The following DNAH11 variants were observed in gnomAD, a reference collection of about 807,000 sequenced individuals.
DNAH11 encodes the protein dynein axonemal heavy chain 11.
Under a neutral mutation model 526.0 loss-of-function variants are expected in DNAH11, and 442 were observed. The observed-to-expected ratio is 0.84, with a 90% CI of 0.78 to 0.91. DNAH11 has a LOEUF of 0.91. Ranked by LOEUF, DNAH11 falls within the 40% of genes least tolerant of loss-of-function variation. DNAH11 has a pLI of 0.00. For synonymous variants in DNAH11, 2,461 were observed against 1,935.9 expected (o/e 1.27, Z -7.12); for missense variants, 6,989 against 5,448.7 (o/e 1.28, Z -8.90).
intron 25 of DNAH11, among the ~76,000 whole-genome samples, chr7:21,631,710 C>G (rs547357068): frequency 6.6e-6 from 1 of 152,190 alleles, no homozygotes; most frequent in Non-Finnish European, 1.5e-5. Context: ...TGGGCAGCTC[C>G]GCCTCTGTGG....
Position 21,735,752 on chromosome 7 carries a change from T to C in DNAH11, c.7553T>C (p.Val2518Ala), listed in dbSNP as rs141807661. 145 of 1,613,938 alleles carry C rather than the reference T, an allele frequency of 9.0e-5. No homozygotes were observed. In the African/African-American group the frequency reaches 1.7e-3, roughly 19 times the overall value. The change falls in exon 46 of 82, where the codon GTC becomes GCC. Residue 2518 changes from valine (V) to alanine (A), a missense_variant. Val to Ala is a moderately conservative substitution (Grantham distance 64, BLOSUM62 0). Coordinates refer to ENST00000409508, the MANE Select transcript of DNAH11 (RefSeq NM_001277115.2). ...LVGNAGVGKT[V>A]FVGDTLASLS... ...GGAAATGCAGGAGTGGGAAAAACAG[T>C]CTTTGTAGGTGACACATTGGCAAGT... is the stretch of plus-strand genomic sequence containing the variant.
chr7:21,564,543 A>T (rs1398965989), intron 6 of DNAH11, 146 bp downstream of exon 6: 1 of 601,012 alleles, frequency 1.7e-6, no homozygotes, highest in Non-Finnish European at 2.8e-6. Context: ...AACAAAGGCC[A>T]GGTAACCTTT....
chr7:21,837,699 C>G (rs945312384), intron 65 of DNAH11, among the ~76,000 whole-genome samples: 4 of 152,126 alleles, frequency 2.6e-5, no homozygotes, highest in Admixed American at 2.6e-4. Flanking sequence ...TACTATATTA[C>G]CATTTGACCA....
Position 21,799,837 on chromosome 7 carries a change from A to T in DNAH11, c.10027-1300A>T, listed in dbSNP as rs140899057. ...TCTGTCTCTAAATTATTAATAGATT[A>T]TATTCTGTAAGTTTTCTTGTTAAAG... On this transcript the variant is annotated intron_variant, in intron 61 of 81. Transcript: ENST00000409508. 3.0e-3 allele frequency among the ~76,000 whole-genome samples: 450 copies of T among 152,344 alleles called. 4 individuals are homozygous for T. Among genetic ancestry groups the T allele is most frequent in the Admixed American group, 6.1e-3 (93 of 15,308 alleles).
intron 79 of DNAH11, among the ~76,000 whole-genome samples, chr7:21,898,070 CT>C (rs1284918025): frequency 6.6e-6 from 1 of 152,004 alleles, no homozygotes; most frequent in East Asian, 1.9e-4. Flanking sequence ...ACTTAATTTC[CT>C]TACTATTTCC....
intron 25 of DNAH11, among the ~76,000 whole-genome samples, chr7:21,626,544 T>C (rs957513432): frequency 4.6e-5 from 7 of 152,144 alleles, no homozygotes; most frequent in African/African-American, 1.7e-4. Flanking sequence ...ATAGTGACTA[T>C]ACTAATTTAC....
At chr7:21,713,074 A>C (rs1784521189) in intron 42 of DNAH11, among the ~76,000 whole-genome samples, 1 of 152,200 alleles carries the variant, frequency 6.6e-6, no homozygotes, top group Admixed American at 6.5e-5. Flanking sequence ...GAGCAACTTT[A>C]TGGTGCCCAG....
intron 74 of DNAH11, among the ~76,000 whole-genome samples, chr7:21,873,830 G>A (rs550282136): frequency 1.1e-4 from 11 of 104,086 alleles, no homozygotes; most frequent in Admixed American, 4.7e-4. Flanking sequence ...TCACTTTGCC[G>A]CCCAGGCTGG....
intron 54 of DNAH11, among the ~76,000 whole-genome samples, chr7:21,754,827 G>T (rs1481920811): frequency 6.6e-6 from 1 of 152,062 alleles, no homozygotes; most frequent in Non-Finnish European, 1.5e-5. Flanking sequence ...GGTAAAAAAT[G>T]GGCAGTCTTT....
At position 21,666,177 on chromosome 7, in the gene DNAH11, C is replaced by A. The variant is rs546239548; in HGVS notation, c.5328+7146C>A. ...AAGGTAATAATTTTAAACTCTATTTCCCCCTTGGATCTATGGTGATTGCAT... is the reference window on the plus strand; with the variant it reads ...AAGGTAATAATTTTAAACTCTATTTACCCCTTGGATCTATGGTGATTGCAT... On this transcript the variant is annotated intron_variant, in intron 30 of 81. Coordinates refer to ENST00000409508, the MANE Select transcript of DNAH11 (RefSeq NM_001277115.2). Among the ~76,000 whole-genome samples, 398 of 152,152 alleles carry A rather than the reference C, an allele frequency of 2.6e-3. 2 individuals carry two copies. Among genetic ancestry groups the A allele is most frequent in the Non-Finnish European group, 4.2e-3 (288 of 67,970 alleles).
At chr7:21,694,114 C>G (rs925515857) in intron 35 of DNAH11, among the ~76,000 whole-genome samples, 1 of 152,192 alleles carries the variant, frequency 6.6e-6, no homozygotes, top group Non-Finnish European at 1.5e-5. Flanking sequence ...TACAATTCAA[C>G]ATGAGATTTG....
At chr7:21,856,175 G>A (rs917401102) in intron 68 of DNAH11, among the ~76,000 whole-genome samples, 12 of 152,236 alleles carry the variant, frequency 7.9e-5, no homozygotes, top group South Asian at 2.1e-4. Flanking sequence ...AGACCACTGT[G>A]TGTGGAATTT....
chr7:21,662,688 A>G (rs1782283158), intron 30 of DNAH11, among the ~76,000 whole-genome samples: 1 of 152,104 alleles, frequency 6.6e-6, no homozygotes, highest in Non-Finnish European at 1.5e-5. Flanking sequence ...ACCATGATGT[A>G]CAATAGACCT....
chr7:21,809,216 A>G (rs1218104674), intron 63 of DNAH11, among the ~76,000 whole-genome samples: 1 of 151,992 alleles, frequency 6.6e-6, no homozygotes, highest in Non-Finnish European at 1.5e-5. Flanking sequence ...AACTTTGTCC[A>G]TTTTACGATC....
At chr7:21,646,481 C>G (rs940129119) in intron 28 of DNAH11, among the ~76,000 whole-genome samples, 2 of 152,142 alleles carry the variant, frequency 1.3e-5, no homozygotes, top group Admixed American at 6.6e-5. Context: ...GAAACCCAGA[C>G]AGAGTCCAAA....
chr7:21,649,863 G>T (rs1583562310), intron 28 of DNAH11, among the ~76,000 whole-genome samples: 1 of 151,932 alleles, frequency 6.6e-6, no homozygotes, highest in African/African-American at 2.4e-5. Flanking sequence ...ATGGGGTTTT[G>T]CCTTGTTGGC....
In DNAH11 at chr7:21,687,487, G is replaced by A. The variant is rs762289622; in HGVS notation, c.5884G>A (p.Val1962Met). Residue 1962 changes from valine to methionine, a missense_variant, in exon 34 of 82, where the codon GTG becomes ATG. Coordinates refer to ENST00000409508, the MANE Select transcript of DNAH11 (RefSeq NM_001277115.2). ...VEVLSVVAVQ[V>M]KMIHDAIRNR... is the part of the protein sequence containing the mutation. ...AGTTCTGTCAGTGGTGGCAGTACAA[G>A]TGAAAATGATTCATGATGCCATCAG... is the stretch of plus-strand genomic sequence containing the variant. The A allele has an allele frequency of 3.1e-6, 5 of 1,613,794 alleles. No individual in the cohort carries two copies. Among genetic ancestry groups the A allele is most frequent in the Admixed American group, 3.3e-5 (2 of 59,942 alleles).
intron 65 of DNAH11, among the ~76,000 whole-genome samples, chr7:21,838,264 G>T (rs1455078625): frequency 1.3e-5 from 2 of 152,198 alleles, no homozygotes; most frequent in Non-Finnish European, 2.9e-5. Flanking sequence ...ATGCTCAAAA[G>T]ACAAGCGTGA....
intron 39 of DNAH11, among the ~76,000 whole-genome samples, chr7:21,707,459 T>C (rs1358606779): frequency 6.6e-6 from 1 of 152,236 alleles, no homozygotes; most frequent in Non-Finnish European, 1.5e-5. Context: ...TGACTCCCTT[T>C]AGTCTAAATG....
Sources: gnomAD v4.1 joint callset for allele counts (sites outside exome capture counted in the v4.1 genomes callset) on GRCh38, gnomAD v4.1.1 for gene constraint, MANE v1.5 for transcripts, NCBI Gene and HGNC (gene_info 2026-07-23, HGNC 2026-07-21) for gene names.